TIAM1: variants seen among roughly 807,000 people sequenced by gnomAD.
The protein encoded by TIAM1 is TIAM Rac1 associated GEF 1, also known as rho guanine nucleotide exchange factor TIAM1.
In TIAM1, 65 loss-of-function variants were observed where a neutral mutation model predicts 163.5. The observed-to-expected ratio is 0.40, with a 90% CI of 0.33 to 0.49. The LOEUF is 0.49. Ranked by LOEUF, TIAM1 falls within the 20% of genes least tolerant of loss-of-function variation. The pLI is 0.77. For missense variants in TIAM1, 1,789 were observed against 2,044.7 expected, an observed-to-expected ratio of 0.87 and a Z score of 2.41; for synonymous variants, 833 against 810.1, an observed-to-expected ratio of 1.03 and a Z score of -0.48.
chr21:31,338,470 G>C lies in TIAM1; in HGVS notation c.-189+773C>G, dbSNP rs540524330. ...GAAGGCAAAGTTGAAAAGAACAAGA[G>C]CAACTTCACATAGCTAGAAAGCCCC... On this transcript the variant is annotated intron_variant, in intron 2 of 27. Coordinates refer to ENST00000541036, the MANE Select transcript of TIAM1 (RefSeq NM_001353694.2). Among the ~76,000 whole-genome samples, 16 of 152,280 alleles carry C rather than the reference G, an allele frequency of 1.1e-4. No individual in the cohort carries two copies. The South Asian group carries it at 3.3e-3, about 32-fold the overall frequency.
chr21:31,225,951 C>A lies in TIAM1; in HGVS notation c.1585-1G>T. The A allele has an allele frequency of 6.2e-7, 1 of 1,613,882 alleles. No homozygotes were observed. The highest frequency in any genetic ancestry group is 1.1e-5 in the South Asian group (1 of 91,016). On this transcript the variant is annotated splice_acceptor_variant, in intron 6 of 27. Coordinates refer to ENST00000541036, the MANE Select transcript of TIAM1 (RefSeq NM_001353694.2). LOFTEE classifies it high-confidence loss of function. ...TTTCAAGCTCCGTCTGGCTAGTGGT[C>A]TGTACCAGGAAGAAGGGGCAGGAAG... is the stretch of plus-strand genomic sequence containing the variant.
intron 2 of TIAM1, among the ~76,000 whole-genome samples, chr21:31,423,703 A>T (rs1306214361): frequency 8.5e-6 from 1 of 117,896 alleles, no homozygotes; most frequent in East Asian, 2.7e-4. Flanking sequence ...AAAGTTGTAA[A>T]AAAAAAAAAA....
At chr21:31,405,136 A>C (rs993909405) in intron 2 of TIAM1, among the ~76,000 whole-genome samples, 1 of 152,126 alleles carries the variant, frequency 6.6e-6, no homozygotes, top group Non-Finnish European at 1.5e-5. Context: ...GGTCCCAAGT[A>C]CTCGGAAGGC....
At chr21:31,213,056 C>T in intron 10 of TIAM1, 1 of 235,044 alleles carries the variant, frequency 4.3e-6, no homozygotes, top group Non-Finnish European at 8.2e-6. Context: ...AAGAACACAC[C>T]TCTTGGGAAG....
At chr21:31,451,070 A>G (rs1432413035) in intron 2 of TIAM1, among the ~76,000 whole-genome samples, 5 of 151,886 alleles carry the variant, frequency 3.3e-5, no homozygotes, top group Non-Finnish European at 5.9e-5. Flanking sequence ...TCAGAGGAAA[A>G]AAAAAAAAAA....
intron 1 of TIAM1, among the ~76,000 whole-genome samples, chr21:31,552,801 C>T (rs907985975): frequency 1.1e-4 from 17 of 152,086 alleles, no homozygotes; most frequent in African/African-American, 3.9e-4. Flanking sequence ...GAATAAGAAA[C>T]CTGTTGAAAG....
At chr21:31,497,022 G>C (rs1024402704) in intron 1 of TIAM1, among the ~76,000 whole-genome samples, 2 of 152,136 alleles carry the variant, frequency 1.3e-5, no homozygotes, top group Admixed American at 6.5e-5. Flanking sequence ...CCACTGATCT[G>C]ACAAAAGGTA....
intron 1 of TIAM1, among the ~76,000 whole-genome samples, chr21:31,343,498 G>A (rs2076079461): frequency 6.6e-6 from 1 of 152,100 alleles, no homozygotes; most frequent in African/African-American, 2.4e-5. Context: ...TTAAAAAAAT[G>A]ATCCAGATAA....
chr21:31,540,418 G>T (rs978477197), intron 1 of TIAM1, among the ~76,000 whole-genome samples: 7 of 151,648 alleles, frequency 4.6e-5, no homozygotes, highest in Non-Finnish European at 1.0e-4. Context: ...CGAGTACAAT[G>T]GTTATAGTCC....
chr21:31,127,374 C>G lies in TIAM1; in HGVS notation c.4046-222G>C, dbSNP rs139529307. 4.6e-3 allele frequency among the ~76,000 whole-genome samples: 688 copies of G among 151,014 alleles called. 2 individuals are homozygous for G. The highest frequency in any genetic ancestry group is 0.016 in the African/African-American group (645 of 41,138). ...TTGGAAAATTTCCAGTTGGTAAAAT[C>G]TTCTAGATGGTCTAAAAGGTCAATC... On this transcript the variant is annotated intron_variant, in intron 25 of 27. Transcript: ENST00000541036.
At chr21:31,531,583 T>C (rs753894413) in intron 1 of TIAM1, among the ~76,000 whole-genome samples, 1 of 151,796 alleles carries the variant, frequency 6.6e-6, no homozygotes, top group Non-Finnish European at 1.5e-5. Context: ...GCATACATTA[T>C]AGAAGGGAAT....
intron 2 of TIAM1, among the ~76,000 whole-genome samples, chr21:31,435,621 C>T (rs1411132295): frequency 6.6e-6 from 1 of 152,186 alleles, no homozygotes; most frequent in Non-Finnish European, 1.5e-5. Context: ...AAAAATTGGC[C>T]TAGTGTTTCT....
At chr21:31,128,790 T>C (rs534086179) in intron 25 of TIAM1, among the ~76,000 whole-genome samples, 1 of 152,338 alleles carries the variant, frequency 6.6e-6, no homozygotes, top group Non-Finnish European at 1.5e-5. Context: ...GTTTTTGCAT[T>C]TGAGTTTTCC....
intron 1 of TIAM1, among the ~76,000 whole-genome samples, chr21:31,535,827 C>T (rs2048115006): frequency 6.6e-6 from 1 of 152,172 alleles, no homozygotes; most frequent in African/African-American, 2.4e-5. Context: ...GGACATCACT[C>T]AACTCATCAC....
chr21:31,458,758 G>A (rs772902072), intron 2 of TIAM1, among the ~76,000 whole-genome samples: 1 of 151,860 alleles, frequency 6.6e-6, no homozygotes, highest in Non-Finnish European at 1.5e-5. Context: ...AAGGGGAGGG[G>A]AGGGAGGGGT....
intron 15 of TIAM1, among the ~76,000 whole-genome samples, chr21:31,172,605 G>T (rs926233774): frequency 6.6e-6 from 1 of 152,190 alleles, no homozygotes; most frequent in African/African-American, 2.4e-5. Context: ...AGGGGACCGG[G>T]GGAGAGGAAG....
At chr21:31,176,252 AAG>A (rs1208869477) in intron 15 of TIAM1, among the ~76,000 whole-genome samples, 1 of 152,166 alleles carries the variant, frequency 6.6e-6, no homozygotes, top group Non-Finnish European at 1.5e-5. Flanking sequence ...ACAAGAACAC[AAG>A]AGAGACTTTT....
chr21:31,194,067 C>T (rs971975491), intron 13 of TIAM1, among the ~76,000 whole-genome samples: 3 of 152,064 alleles, frequency 2.0e-5, no homozygotes, highest in African/African-American at 7.2e-5. Flanking sequence ...TGCATTCCGC[C>T]GCTGGCCGGA....
chr21:31,354,645 C>A (rs1049717298), intron 2 of TIAM1, among the ~76,000 whole-genome samples: 2 of 152,270 alleles, frequency 1.3e-5, no homozygotes, highest in Admixed American at 6.5e-5. Flanking sequence ...CCCAACTTCC[C>A]GGTAAAACAT....
Sources: gnomAD v4.1 joint callset for allele counts (sites outside exome capture counted in the v4.1 genomes callset) on GRCh38, gnomAD v4.1.1 for gene constraint, MANE v1.5 for transcripts, NCBI Gene and HGNC (gene_info 2026-07-23, HGNC 2026-07-21) for gene names.